TENM1: variants seen among roughly 807,000 people sequenced by gnomAD.
The protein encoded by TENM1 is teneurin transmembrane protein 1.
A neutral mutation model predicts 174.8 loss-of-function variants in TENM1; 35 were observed. The observed-to-expected ratio is 0.20, with a 90% CI of 0.15 to 0.27. TENM1 has a LOEUF of 0.27. Among genes scored for constraint, TENM1 ranks in the 10% least tolerant of loss-of-function variants. TENM1 has a pLI of 1.00. For synonymous variants in TENM1, 781 were observed against 798.7 expected (o/e 0.98, Z 0.37); for missense variants, 1,633 against 2,130.1 (o/e 0.77, Z 4.59).
chrX:124,542,839 G>A (rs1205117352), intron 15 of TENM1, among the ~76,000 whole-genome samples: 1 of 111,356 alleles, frequency 9.0e-6, no homozygotes, highest in Middle Eastern at 4.2e-3. Flanking sequence ...AGCGAACTAA[G>A]GGGAGAAATA....
chrX:124,927,329 A>AT (rs2058106473), intron 1 of TENM1, among the ~76,000 whole-genome samples: 1 of 110,958 alleles, frequency 9.0e-6, no homozygotes, highest in Admixed American at 9.6e-5. Flanking sequence ...TACAATCTGG[A>AT]TTTTTTCTTC....
At chrX:124,648,791 C>A in intron 8 of TENM1, among the ~76,000 whole-genome samples, 1 of 111,906 alleles carries the variant, frequency 8.9e-6, no homozygotes, top group African/African-American at 3.2e-5. Flanking sequence ...AATTTCATAC[C>A]AGATCCTATT....
In TENM1 at chrX:124,460,251, T is replaced by C. The variant is rs1296232223; in HGVS notation, c.3950-6760A>G. On this transcript the variant is annotated intron_variant, in intron 22 of 31. Transcript: ENST00000422452. ...GGGTATATACTCAAAGGAATATAAA[T>C]CATTCTATTATAAAGACACATGCAC... is the stretch of plus-strand genomic sequence containing the variant. 1.3e-4 allele frequency among the ~76,000 whole-genome samples: 14 copies of C among 111,590 alleles called. 1 individual carries two copies. The East Asian group carries it at 3.4e-3, about 27-fold the overall frequency.
At chrX:125,051,522 C>G in the TENM1 span, among the ~76,000 whole-genome samples, 1 of 110,496 alleles carries the variant, frequency 9.1e-6, no homozygotes, top group African/African-American at 3.3e-5. Context: ...CAGAACAGAG[C>G]CCTCAGAAAT....
At chrX:125,169,677 A>G in the TENM1 span, among the ~76,000 whole-genome samples, 1 of 111,496 alleles carries the variant, frequency 9.0e-6, no homozygotes, top group African/African-American at 3.3e-5. Flanking sequence ...CTTGTCAATC[A>G]AAAGTCAGTT....
rs149757804 is a variant in TENM1, at chrX:124,848,445, G to A, written c.535+45851C>T. On this transcript the variant is annotated intron_variant, in intron 3 of 31. Transcript: ENST00000422452. Reference sequence around the variant, plus strand: ...TGCTGATTTTGGAAAAGACCTTAATGTGGACAAAAATGAGACTCTTGAATA... The same window carrying A: ...TGCTGATTTTGGAAAAGACCTTAATATGGACAAAAATGAGACTCTTGAATA... Among the ~76,000 whole-genome samples, 511 of 111,113 alleles carry A rather than the reference G, an allele frequency of 4.6e-3. 2 individuals carry two copies. Among genetic ancestry groups the A allele is most frequent in the African/African-American group, 0.016 (483 of 30,638 alleles).
At chrX:124,967,805 A>T (rs920362220), upstream of TENM1, among the ~76,000 whole-genome samples, 2 of 111,319 alleles carry the variant, frequency 1.8e-5, no homozygotes, top group African/African-American at 6.5e-5. Context: ...TTCTGCCTGA[A>T]CTGTAGATGT....
intron 7 of TENM1, among the ~76,000 whole-genome samples, chrX:124,653,043 G>A (rs1027337277): frequency 3.5e-4 from 39 of 111,018 alleles, no homozygotes; most frequent in African/African-American, 1.2e-3. Context: ...GTTCATGTGG[G>A]GAAAAAATAA....
At chrX:125,014,044 C>T in the TENM1 span, among the ~76,000 whole-genome samples, 30,838 of 110,572 alleles carry the variant, frequency 0.28, 4,913 homozygotes, top group African/African-American at 0.62. Flanking sequence ...CTCCTTTAAA[C>T]CTAATAGTTC....
At chrX:124,501,548 G>A (rs942960096) in intron 19 of TENM1, among the ~76,000 whole-genome samples, 4 of 112,025 alleles carry the variant, frequency 3.6e-5, no homozygotes, top group Non-Finnish European at 7.5e-5. Flanking sequence ...ACTGGGGGAA[G>A]ATAGATTCTT....
At position 124,687,475 on chromosome X, in the gene TENM1, C is replaced by A. The variant is rs1329379170; in HGVS notation, c.1016-15640G>T. Among the ~76,000 whole-genome samples, 4 of 111,934 alleles carry A rather than the reference C, an allele frequency of 3.6e-5. No individual in the cohort carries two copies. In the Admixed American group the frequency reaches 3.8e-4, roughly 11 times the overall value. ...AAAGTAAAACCCCAAACCATAAAAA[C>A]CCTAAAAGAAAATTTAGGCAATACC... is the stretch of plus-strand genomic sequence containing the variant. On this transcript the variant is annotated intron_variant, in intron 5 of 31. Transcript: ENST00000422452.
intron 3 of TENM1, among the ~76,000 whole-genome samples, chrX:124,747,852 C>A (rs2053961767): frequency 9.0e-6 from 1 of 110,756 alleles, no homozygotes; most frequent in South Asian, 3.9e-4. Flanking sequence ...GGAATGATGA[C>A]AACCTGGATT....
At chrX:124,917,649 ATCTTC>A (rs961785739) in intron 1 of TENM1, among the ~76,000 whole-genome samples, 3 of 111,564 alleles carry the variant, frequency 2.7e-5, no homozygotes, top group African/African-American at 9.8e-5. Context: ...TAGATTTTTA[ATCTTC>A]TCATCTCTTC....
intron 14 of TENM1, among the ~76,000 whole-genome samples, chrX:124,548,337 G>A (rs1202670778): frequency 9.0e-6 from 1 of 111,372 alleles, no homozygotes; most frequent in Non-Finnish European, 1.9e-5. Context: ...AATCTAACAG[G>A]TGCAAAATAC....
chrX:124,895,374 G>C (rs1230290591), intron 2 of TENM1, among the ~76,000 whole-genome samples: 1 of 111,792 alleles, frequency 8.9e-6, no homozygotes, highest in Non-Finnish European at 1.9e-5. Context: ...AAATCAAAAA[G>C]ACAAAATTTT....
the TENM1 span, among the ~76,000 whole-genome samples, chrX:124,981,896 T>C: frequency 1.3e-5 from 1 of 78,022 alleles, no homozygotes; most frequent in Admixed American, 1.3e-4. Flanking sequence ...GCATGGCACA[T>C]GTATACATAT....
the TENM1 span, among the ~76,000 whole-genome samples, chrX:125,176,575 T>C: frequency 3.6e-5 from 4 of 111,478 alleles, no homozygotes; most frequent in African/African-American, 1.3e-4. Flanking sequence ...TCCCTCTCTA[T>C]GGCAATTCTG....
the TENM1 span, among the ~76,000 whole-genome samples, chrX:125,126,219 G>C: frequency 8.1e-5 from 9 of 111,506 alleles, no homozygotes; most frequent in African/African-American, 2.6e-4. Flanking sequence ...CCTGCCATTT[G>C]AATCTGTCTT....
chrX:124,810,463 C>CA (rs368328353), intron 3 of TENM1, among the ~76,000 whole-genome samples: 1 of 110,517 alleles, frequency 9.0e-6, no homozygotes, highest in Non-Finnish European at 1.9e-5. Flanking sequence ...ACAATAGTTA[C>CA]AAAAAAATAC....
Sources: allele counts gnomAD v4.1 joint callset (sites outside exome capture counted in the v4.1 genomes callset), GRCh38; gene constraint gnomAD v4.1.1; transcripts MANE v1.5; gene names NCBI Gene and HGNC (gene_info 2026-07-23, HGNC 2026-07-21).